The following ADCY2 variants were observed in gnomAD, a reference collection of about 807,000 sequenced individuals.
ADCY2 encodes the protein adenylate cyclase type 2.
ADCY2 carries 31 observed loss-of-function variants against 125.2 expected under a neutral mutation model. The ratio of observed to expected loss-of-function variants is 0.25; its 90% CI spans 0.19 to 0.33. The LOEUF is 0.33. Among genes scored for constraint, ADCY2 ranks in the 10% least tolerant of loss-of-function variants. ADCY2 has a pLI of 1.00. For missense variants in ADCY2, 904 were observed against 1,418.2 expected (o/e 0.64, Z 5.82); for synonymous variants, 512 against 548.4 (o/e 0.93, Z 0.93).
At chr5:7,581,181 A>G (rs1291926724) in intron 3 of ADCY2, among the ~76,000 whole-genome samples, 1 of 152,216 alleles carries the variant, frequency 6.6e-6, no homozygotes, top group Non-Finnish European at 1.5e-5. Flanking sequence ...AACCTGTTTT[A>G]TCTTAATTTT....
intron 2 of ADCY2, among the ~76,000 whole-genome samples, chr5:7,444,721 G>A (rs1311200148): frequency 2.0e-5 from 3 of 152,018 alleles, no homozygotes; most frequent in Non-Finnish European, 4.4e-5. Context: ...TTACTCCCCC[G>A]GGCTTGGACT....
chr5:7,671,901 A>C (rs1437076714), intron 4 of ADCY2, among the ~76,000 whole-genome samples: 1 of 152,170 alleles, frequency 6.6e-6, no homozygotes, highest in Non-Finnish European at 1.5e-5. Flanking sequence ...AGGTGAGGAA[A>C]ATGATGCCCC....
Position 7,695,809 on chromosome 5 carries a change from A to G in ADCY2, c.927A>G (p.Gly309=), listed in dbSNP as rs374469258. 1 of 1,613,030 alleles carries G rather than the reference A, an allele frequency of 6.2e-7. No individual in the cohort carries two copies. Among genetic ancestry groups the G allele is most frequent in the African/African-American group, 1.3e-5 (1 of 74,884 alleles). Residue 309 remains glycine, a synonymous_variant, in exon 6 of 25, where the codon GGA becomes GGG. Coordinates refer to ENST00000338316, the MANE Select transcript of ADCY2 (RefSeq NM_020546.3). ...FTRLASDCSP[G]ELVHMLNELF... ...GGCTGGCAAGTGACTGCTCCCCGGG[A>G]GAACTAGTCCACATGCTGAATGAGC...
rs149557705 is a variant in ADCY2, at chr5:7,506,356, G to A, written c.409-14382G>A. 1.9e-3 allele frequency among the ~76,000 whole-genome samples: 285 copies of A among 152,214 alleles called. 2 individuals are homozygous for A. The highest frequency in any genetic ancestry group is 6.6e-3 in the African/African-American group (276 of 41,508). On this transcript the variant is annotated intron_variant, in intron 2 of 24. Transcript: ENST00000338316. ...TAGGCCAGTGATTTAAAAGTTAAAAGCCGTCATACATACAACACTTATGTT... is the reference window on the plus strand; with the variant it reads ...TAGGCCAGTGATTTAAAAGTTAAAAACCGTCATACATACAACACTTATGTT...
At chr5:7,519,804 C>T (rs115960661) in intron 2 of ADCY2, among the ~76,000 whole-genome samples, 102 of 152,282 alleles carry the variant, frequency 6.7e-4, no homozygotes, top group Non-Finnish European at 1.2e-3. Flanking sequence ...AGCTACTCTC[C>T]GTTCCCCAGC....
chr5:7,638,752 T>G (rs1175663339), intron 4 of ADCY2, among the ~76,000 whole-genome samples: 1 of 152,174 alleles, frequency 6.6e-6, no homozygotes, highest in Non-Finnish European at 1.5e-5. Context: ...CTGGCCTGTT[T>G]AGGGCCCATT....
intron 7 of ADCY2, among the ~76,000 whole-genome samples, chr5:7,700,328 T>C (rs923393515): frequency 4.6e-5 from 7 of 152,154 alleles, no homozygotes; most frequent in African/African-American, 1.7e-4. Flanking sequence ...TAATTTTTAT[T>C]ACCAGCATCA....
chr5:7,459,789 T>C (rs1375306503), intron 2 of ADCY2, among the ~76,000 whole-genome samples: 2 of 130,726 alleles, frequency 1.5e-5, no homozygotes, highest in Non-Finnish European at 3.3e-5. Flanking sequence ...TTTTTTTTTT[T>C]TTTTTTTTTT....
At position 7,709,143 on chromosome 5, in the gene ADCY2, T is replaced by G; in HGVS notation, c.1402-68T>G. Reference sequence around the variant, plus strand: ...GAGGAATGACCCTAGTCCAATGAGGTCGATGCCAAAAGGATCATGTGTGGC... The same window carrying G: ...GAGGAATGACCCTAGTCCAATGAGGGCGATGCCAAAAGGATCATGTGTGGC... On this transcript the variant is annotated intron_variant, in intron 9 of 24. Transcript: ENST00000338316. This position sits in a 1 kb window ranked among gnomAD's most constrained non-coding sequence, Gnocchi z 4.4. 6.9e-7 allele frequency: 1 copy of G among 1,439,882 alleles called. No homozygotes were observed. Among genetic ancestry groups the G allele is most frequent in the Non-Finnish European group, 9.2e-7 (1 of 1,086,216 alleles). The allele number at this position is 1,439,882 out of a possible 1,614,324, so 89.2% of individuals were successfully genotyped here. A position where few individuals can be genotyped will look rare whatever the true frequency, so the allele number is the denominator to read the frequency against.
Position 7,712,890 on chromosome 5 carries a change from G to A in ADCY2, c.1613G>A (p.Arg538His), listed in dbSNP as rs767145470. Residue 538 changes from arginine (R) to histidine (H), a missense_variant, in exon 11 of 25, where the codon CGC (arginine) becomes CAC (histidine). Around this residue, in one of 7 missense-constraint regions of ADCY2, gnomAD observed 144 missense variants for 227.7 expected, o/e 0.63. Transcript: ENST00000338316. ...VPMGQHNFQN[R>H]TLRTKSQKKR... ...ATGGGTCAGCATAATTTTCAAAATC[G>A]CACCTTAAGGTATGGTATCTCTCTA... 12 of 1,606,360 alleles carry A rather than the reference G, an allele frequency of 7.5e-6. No individual in the cohort carries two copies. Among genetic ancestry groups the A allele is most frequent in the Non-Finnish European group, 1.0e-5 (12 of 1,173,902 alleles).
At chr5:7,748,897 A>T (rs1344908839) in intron 15 of ADCY2, among the ~76,000 whole-genome samples, 1 of 152,238 alleles carries the variant, frequency 6.6e-6, no homozygotes, top group Non-Finnish European at 1.5e-5. Flanking sequence ...CAGATGCTAC[A>T]TAACTTGCCT....
chr5:7,551,623 A>C (rs1159560029), intron 3 of ADCY2, among the ~76,000 whole-genome samples: 1 of 152,198 alleles, frequency 6.6e-6, no homozygotes, highest in African/African-American at 2.4e-5. Flanking sequence ...ATCAGGTACT[A>C]GTGATTCCCA....
At chr5:7,560,986 C>G (rs188796605) in intron 3 of ADCY2, among the ~76,000 whole-genome samples, 11 of 152,280 alleles carry the variant, frequency 7.2e-5, no homozygotes, top group Admixed American at 1.3e-4. Context: ...CTGGGCCCAG[C>G]CTGCTTATTC....
intron 4 of ADCY2, among the ~76,000 whole-genome samples, chr5:7,678,711 G>A (rs1343646740): frequency 6.6e-6 from 1 of 152,108 alleles, no homozygotes; most frequent in Non-Finnish European, 1.5e-5. Context: ...TGTTGAATGG[G>A]AGACACCTAG....
At chr5:7,556,211 C>T (rs921521615) in intron 3 of ADCY2, among the ~76,000 whole-genome samples, 7 of 152,106 alleles carry the variant, frequency 4.6e-5, no homozygotes, top group Non-Finnish European at 1.0e-4. Context: ...TAAATTTTTA[C>T]ACATATTGAT....
intron 8 of ADCY2, among the ~76,000 whole-genome samples, chr5:7,707,171 A>G (rs1741292243): frequency 6.6e-6 from 1 of 152,226 alleles, no homozygotes; most frequent in Non-Finnish European, 1.5e-5. Flanking sequence ...GTATGAATAG[A>G]GATCTGATTT....
intron 12 of ADCY2, among the ~76,000 whole-genome samples, chr5:7,724,148 C>G (rs1741859998): frequency 7.3e-6 from 1 of 136,996 alleles, no homozygotes; most frequent in African/African-American, 2.7e-5. Context: ...AGGTGCTTCT[C>G]TAGGAACTAG....
At chr5:7,553,329 G>A (rs1047634229) in intron 3 of ADCY2, among the ~76,000 whole-genome samples, 4 of 152,144 alleles carry the variant, frequency 2.6e-5, no homozygotes, top group African/African-American at 9.7e-5. Flanking sequence ...TGCAGTCTTC[G>A]GAGGAGCGCA....
intron 2 of ADCY2, among the ~76,000 whole-genome samples, chr5:7,505,388 C>T (rs1008267393): frequency 6.6e-6 from 1 of 152,100 alleles, no homozygotes; most frequent in Non-Finnish European, 1.5e-5. Flanking sequence ...CATATAAATG[C>T]GAGGGAGCTG....
Sources: allele counts gnomAD v4.1 joint callset (sites outside exome capture counted in the v4.1 genomes callset), GRCh38; gene constraint gnomAD v4.1.1; regional missense constraint gnomAD v4.1.1; non-coding constraint Gnocchi (gnomAD v3.1); transcripts MANE v1.5; gene names NCBI Gene and HGNC (gene_info 2026-07-23, HGNC 2026-07-21).